The following RBFOX1 variants were observed in gnomAD, a reference collection of about 807,000 sequenced individuals.
RBFOX1 encodes the protein RNA binding fox-1 homolog 1, also known as RNA binding protein fox-1 homolog 1.
Under a neutral mutation model 57.7 loss-of-function variants are expected in RBFOX1, and 8 were observed. That is an observed-to-expected ratio of 0.14 (90% CI 0.08 to 0.25). RBFOX1 has a LOEUF of 0.25. Ranked by LOEUF, RBFOX1 falls within the 10% of genes least tolerant of loss-of-function variation. RBFOX1 has a pLI of 1.00. For missense variants in RBFOX1, 611 were observed against 548.5 expected, an observed-to-expected ratio of 1.11 and a Z score of -1.14; for synonymous variants, 326 against 222.4, an observed-to-expected ratio of 1.47 and a Z score of -4.15.
At chr16:6,857,394 C>A (rs563641606) in intron 3 of RBFOX1, among the ~76,000 whole-genome samples, 12 of 151,950 alleles carry the variant, frequency 7.9e-5, no homozygotes, top group Admixed American at 2.6e-4. Context: ...CTCCATCCTA[C>A]GAAGCATGGG....
At chr16:6,258,551 A>G (rs1294240600) in intron 1 of RBFOX1, among the ~76,000 whole-genome samples, 1 of 152,174 alleles carries the variant, frequency 6.6e-6, no homozygotes, top group African/African-American at 2.4e-5. Context: ...GTGGCTCCCT[A>G]TTGCTTATCA....
At chr16:6,985,939 C>T (rs192374003) in intron 3 of RBFOX1, among the ~76,000 whole-genome samples, 2 of 150,126 alleles carry the variant, frequency 1.3e-5, no homozygotes, top group Non-Finnish European at 3.0e-5. Context: ...TTGTAAATCT[C>T]CATGGAGTGA....
intron 4 of RBFOX1, among the ~76,000 whole-genome samples, chr16:7,192,974 C>T (rs1392246533): frequency 2.0e-5 from 3 of 152,182 alleles, no homozygotes; most frequent in African/African-American, 7.2e-5. Context: ...CGACAGACAT[C>T]TTTGGGTTGG....
intron 1 of RBFOX1, among the ~76,000 whole-genome samples, chr16:5,315,560 C>T (rs1295758233): frequency 6.6e-6 from 1 of 152,124 alleles, no homozygotes; most frequent in Non-Finnish European, 1.5e-5. Flanking sequence ...ATTTCAGGGG[C>T]CAGGCAAAGA....
chr16:6,057,080 G>GT (rs1200541840), intron 1 of RBFOX1: 2 of 136,950 alleles, frequency 1.5e-5, no homozygotes, highest in African/African-American at 2.6e-5. Context: ...AACACAGGAG[G>GT]GGGGGGAATA....
At chr16:6,503,704 A>G (rs565511898) in intron 2 of RBFOX1, among the ~76,000 whole-genome samples, 2 of 152,042 alleles carry the variant, frequency 1.3e-5, no homozygotes, top group South Asian at 2.1e-4. Context: ...CATCCCTTCC[A>G]TATGTTGCAT....
intron 2 of RBFOX1, among the ~76,000 whole-genome samples, chr16:5,528,051 A>T (rs1414104476): frequency 1.3e-5 from 2 of 152,100 alleles, no homozygotes; most frequent in Non-Finnish European, 2.9e-5. Flanking sequence ...TCAACATTCA[A>T]ACACCTATTT....
intron 3 of RBFOX1, among the ~76,000 whole-genome samples, chr16:5,720,718 C>T (rs2079734): frequency 0.76 from 115,887 of 152,096 alleles, 44,607 homozygotes; most frequent in Non-Finnish European, 0.82. Context: ...TTTATGCCCT[C>T]GTCAAAAATC....
intron 3 of RBFOX1, among the ~76,000 whole-genome samples, chr16:6,964,536 A>G (rs947406926): frequency 6.6e-6 from 1 of 152,164 alleles, no homozygotes; most frequent in Non-Finnish European, 1.5e-5. Context: ...GGGTGAAGCT[A>G]TGCCTGTGTG....
At chr16:6,599,936 A>G (rs1015968671) in intron 2 of RBFOX1, among the ~76,000 whole-genome samples, 2 of 152,288 alleles carry the variant, frequency 1.3e-5, no homozygotes, top group South Asian at 4.1e-4. Flanking sequence ...CCCACAATCA[A>G]CAAAGCATTG....
chr16:5,448,921 G>A (rs528347792), intron 1 of RBFOX1, among the ~76,000 whole-genome samples: 14 of 152,076 alleles, frequency 9.2e-5, no homozygotes, highest in African/African-American at 3.1e-4. Flanking sequence ...CTTGGAATAC[G>A]TGTCTCCTCC....
intron 12 of RBFOX1, among the ~76,000 whole-genome samples, chr16:7,662,356 G>A (rs764666821): frequency 4.5e-4 from 68 of 152,154 alleles, no homozygotes; most frequent in Non-Finnish European, 1.9e-4. Context: ...ATTGACAACA[G>A]CCACTGATAC....
At chr16:6,074,124 A>G (rs1179485007) in intron 1 of RBFOX1, among the ~76,000 whole-genome samples, 1 of 151,858 alleles carries the variant, frequency 6.6e-6, no homozygotes, top group East Asian at 1.9e-4. Context: ...AATTTTTTGT[A>G]GTTTTAGTAG....
At chr16:6,619,771 C>G (rs1358881365) in intron 2 of RBFOX1, among the ~76,000 whole-genome samples, 2 of 146,038 alleles carry the variant, frequency 1.4e-5, no homozygotes, top group Non-Finnish European at 3.0e-5. Context: ...AAACCTGTGT[C>G]ATGGGGACTT....
chr16:6,445,480 C>G (rs952418994), intron 2 of RBFOX1, among the ~76,000 whole-genome samples: 6 of 151,226 alleles, frequency 4.0e-5, no homozygotes, highest in African/African-American at 1.5e-4. Context: ...TAGTCAGTTC[C>G]TGCAAAGAGC....
At chr16:6,893,509 GC>G (rs1224626195) in intron 3 of RBFOX1, among the ~76,000 whole-genome samples, 1 of 152,058 alleles carries the variant, frequency 6.6e-6, no homozygotes, top group Non-Finnish European at 1.5e-5. Flanking sequence ...AACAGCTGGG[GC>G]TCTATGCTGA....
At chr16:6,978,219 C>T (rs1263442528) in intron 3 of RBFOX1, among the ~76,000 whole-genome samples, 1 of 152,186 alleles carries the variant, frequency 6.6e-6, no homozygotes, top group Non-Finnish European at 1.5e-5. Flanking sequence ...GTTCGAAATG[C>T]TTCTTGAAAA....
chr16:6,522,907 A>G (rs981377282), intron 2 of RBFOX1, among the ~76,000 whole-genome samples: 1 of 151,982 alleles, frequency 6.6e-6, no homozygotes, highest in Non-Finnish European at 1.5e-5. Context: ...ACCTAAGTTC[A>G]TTTTGGACTC....
At chr16:6,805,438 A>G (rs1168584490) in intron 3 of RBFOX1, among the ~76,000 whole-genome samples, 1 of 152,162 alleles carries the variant, frequency 6.6e-6, no homozygotes, top group African/African-American at 2.4e-5. Context: ...TAACTTGGGT[A>G]CTTGGCTTAG....
Sources: gnomAD v4.1 joint callset for allele counts (sites outside exome capture counted in the v4.1 genomes callset) on GRCh38, gnomAD v4.1.1 for gene constraint, MANE v1.5 for transcripts, NCBI Gene and HGNC (gene_info 2026-07-23, HGNC 2026-07-21) for gene names.